GJC1: variants seen among roughly 807,000 people sequenced by gnomAD.
GJC1 encodes gap junction protein gamma 1, also known as gap junction gamma-1 protein.
GJC1 carries 5 observed loss-of-function variants against 29.3 expected under a neutral mutation model. The observed-to-expected ratio is 0.17, with a 90% confidence interval of 0.09 to 0.36. The LOEUF (loss-of-function observed/expected upper bound fraction) is 0.36, where lower values mean the gene tolerates loss of function less well. GJC1 is among the 10% of genes least tolerant of loss of function. GJC1 has a pLI of 1.00. For synonymous variants in GJC1, 177 were observed against 183.3 expected (o/e 0.97, Z 0.28); for missense variants, 310 against 496.2 (o/e 0.62, Z 3.56).
At chr17:44,825,919 C>T (rs921940955) in intron 1 of GJC1, among the ~76,000 whole-genome samples, 4 of 152,048 alleles carry the variant, frequency 2.6e-5, no homozygotes, top group Non-Finnish European at 5.9e-5. Flanking sequence ...CAGAATACTT[C>T]ATTTCTTTCT....
intron 1 of GJC1, among the ~76,000 whole-genome samples, chr17:44,811,937 A>G (rs1197477271): frequency 1.3e-5 from 2 of 151,476 alleles, no homozygotes; most frequent in Non-Finnish European, 2.9e-5. Context: ...TGGGAGGCAG[A>G]GGTTGCAGTG....
chr17:44,817,815 G>A (rs1427364338), intron 1 of GJC1, among the ~76,000 whole-genome samples: 1 of 151,778 alleles, frequency 6.6e-6, no homozygotes, highest in Admixed American at 6.6e-5. Context: ...CTGGAGTTTG[G>A]GCTCTTTCTT....
intron 1 of GJC1, among the ~76,000 whole-genome samples, chr17:44,819,758 T>C (rs2050088537): frequency 6.6e-6 from 1 of 152,216 alleles, no homozygotes; most frequent in Non-Finnish European, 1.5e-5. Flanking sequence ...AGTATGTACA[T>C]ACCACGTTTT....
intron 1 of GJC1, among the ~76,000 whole-genome samples, chr17:44,821,697 C>CAAAAAAAAAAAAAAAAAA (rs61303163): frequency 8.6e-5 from 5 of 58,356 alleles, no homozygotes; most frequent in African/African-American, 2.3e-4. Context: ...AACTCCGTCT[C>CAAAAAAAAAAAAAAAAAA]AAAAAAAAAA....
intron 1 of GJC1, among the ~76,000 whole-genome samples, chr17:44,822,054 G>A (rs538760124): frequency 4.2e-4 from 64 of 151,604 alleles, no homozygotes; most frequent in Non-Finnish European, 5.6e-4. Context: ...AAAATTAGCC[G>A]GGCATGGTGG....
chr17:44,815,471 CA>C (rs1362271878), intron 1 of GJC1, among the ~76,000 whole-genome samples: 1 of 152,058 alleles, frequency 6.6e-6, no homozygotes, highest in African/African-American at 2.4e-5. Flanking sequence ...ATTTGGTTTT[CA>C]AAAAAGGCAC....
intron 1 of GJC1, among the ~76,000 whole-genome samples, chr17:44,825,481 C>T (rs964762869): frequency 2.6e-5 from 4 of 151,360 alleles, no homozygotes; most frequent in African/African-American, 9.7e-5. Flanking sequence ...AGCAAAACTC[C>T]GTCTCAAAAA....
intron 1 of GJC1, among the ~76,000 whole-genome samples, chr17:44,820,661 G>A (rs2050096390): frequency 6.6e-6 from 1 of 152,152 alleles, no homozygotes; most frequent in Non-Finnish European, 1.5e-5. Context: ...TAATTCCAAA[G>A]TAGGTATTAA....
Position 44,801,308 on chromosome 17 carries a change from C to CA in GJC1, c.*3318dup, listed in dbSNP as rs1446106312. On this transcript the variant is annotated 3_prime_UTR_variant, in exon 3 of 3. Transcript: ENST00000592524. ...TTAAGAAAAAAAAGAGCAAAGGACA[C>CA]ACCACATCTGCATAAATCCAAGTGT... The CA allele has an allele frequency of 6.6e-6, 1 of 152,074 alleles. No individual in the cohort carries two copies. Among genetic ancestry groups the CA allele is most frequent in the Non-Finnish European group, 1.5e-5 (1 of 68,024 alleles). The allele number at this position is 152,074 out of a possible 1,614,324, so 9.4% of individuals were successfully genotyped here.
chr17:44,830,230 C>CGCCGCT lies in GJC1; in HGVS notation c.-271_-266dup, dbSNP rs904034545. On this transcript the variant is annotated 5_prime_UTR_variant, in exon 1 of 3. Transcript: ENST00000592524. The surrounding 1 kb of genome is among the most constrained non-coding windows in gnomAD (Gnocchi z 4.3). Reference sequence around the variant, plus strand: ...CTCCAGCCGAGGCAGAAGCCGCTCCCGCCGCTGCCGCCGCCGCCGCCGCCT... The same window carrying CGCCGCT: ...CTCCAGCCGAGGCAGAAGCCGCTCCCGCCGCTGCCGCTGCCGCCGCCGCCGCCGCCT... 6 of 159,106 alleles carry CGCCGCT rather than the reference C, an allele frequency of 3.8e-5. No homozygotes were observed. Among genetic ancestry groups the CGCCGCT allele is most frequent in the Non-Finnish European group, 5.3e-5 (4 of 74,882 alleles). The allele number at this position is 159,106 out of a possible 1,614,324, so 9.9% of individuals were successfully genotyped here. A position where few individuals can be genotyped will look rare whatever the true frequency, so the allele number is the denominator to read the frequency against.
chr17:44,808,911 C>T (rs945916099), intron 1 of GJC1, among the ~76,000 whole-genome samples: 2 of 151,958 alleles, frequency 1.3e-5, no homozygotes, highest in Non-Finnish European at 2.9e-5. Context: ...GACCAACTAA[C>T]TAAAAATACA....
chr17:44,800,386 G>A lies in GJC1; in HGVS notation c.*4241C>T, dbSNP rs2049829665. The A allele has an allele frequency of 6.6e-6, 1 of 152,166 alleles. No homozygotes were observed. Among genetic ancestry groups the A allele is most frequent in the Admixed American group, 6.5e-5 (1 of 15,274 alleles). The allele number at this position is 152,166 out of a possible 1,614,324, so 9.4% of individuals were successfully genotyped here. On this transcript the variant is annotated 3_prime_UTR_variant, in exon 3 of 3. Transcript: ENST00000592524. ...GCCTCCCAAAGTGCTGGGATTACAG[G>A]CGTGAGCCACCATGCCTGGCCAAAA... is the stretch of plus-strand genomic sequence containing the variant.
intron 1 of GJC1, among the ~76,000 whole-genome samples, chr17:44,817,652 G>A (rs745310443): frequency 6.6e-6 from 1 of 152,070 alleles, no homozygotes; most frequent in Non-Finnish European, 1.5e-5. Context: ...GGAGGTTGTG[G>A]TGAGCTGAGA....
intron 1 of GJC1, among the ~76,000 whole-genome samples, chr17:44,808,612 C>T (rs2049939622): frequency 6.6e-6 from 1 of 151,938 alleles, no homozygotes; most frequent in African/African-American, 2.4e-5. Context: ...ACACACACCC[C>T]CAAAATTAGC....
In GJC1 at chr17:44,810,289, G is replaced by A. The variant is rs183046571; in HGVS notation, c.-96-2820C>T. ...TGGGATTACAGGCATGAGCCATCGCGCCCGGCCAAATGTGTATCTTTTAAG... is the reference window on the plus strand; with the variant it reads ...TGGGATTACAGGCATGAGCCATCGCACCCGGCCAAATGTGTATCTTTTAAG... On this transcript the variant is annotated intron_variant, in intron 1 of 2. Transcript: ENST00000592524. Among the ~76,000 whole-genome samples, 372 of 152,246 alleles carry A rather than the reference G, an allele frequency of 2.4e-3. 1 individual carries two copies. Among genetic ancestry groups the A allele is most frequent in the African/African-American group, 8.2e-3 (341 of 41,532 alleles).
At chr17:44,828,223 A>C (rs1023529819) in intron 1 of GJC1, among the ~76,000 whole-genome samples, 65 of 152,208 alleles carry the variant, frequency 4.3e-4, no homozygotes, top group Non-Finnish European at 1.6e-4. Flanking sequence ...AGATATGTTA[A>C]TTAAGTCCTC....
chr17:44,807,642 G>A (rs1280522432), intron 1 of GJC1, 173 bp from the exon 2 acceptor site: 1 of 152,158 alleles, frequency 6.6e-6, no homozygotes, highest in Non-Finnish European at 1.5e-5. Flanking sequence ...CCCCATACAG[G>A]TGGCAGGAGA....
intron 1 of GJC1, among the ~76,000 whole-genome samples, chr17:44,817,630 A>C (rs1018516006): frequency 2.0e-5 from 3 of 151,942 alleles, no homozygotes. Flanking sequence ...GAATCGCTTG[A>C]ACTCAGGAGG....
At chr17:44,811,790 G>C (rs1025853354) in intron 1 of GJC1, among the ~76,000 whole-genome samples, 3 of 151,860 alleles carry the variant, frequency 2.0e-5, no homozygotes, top group African/African-American at 7.3e-5. Context: ...GATCACCTGA[G>C]GTCGGGAGTT....
Sources: allele counts gnomAD v4.1 joint callset (sites outside exome capture counted in the v4.1 genomes callset), GRCh38; gene constraint gnomAD v4.1.1; non-coding constraint Gnocchi (gnomAD v3.1); transcripts MANE v1.5; gene names NCBI Gene and HGNC (gene_info 2026-07-23, HGNC 2026-07-21).